The following COL6A3 variants were observed in gnomAD, a reference collection of about 807,000 sequenced individuals.
COL6A3 encodes the protein collagen type VI alpha 3 chain.
COL6A3 carries 137 observed loss-of-function variants against 274.1 expected under a neutral mutation model. The ratio of observed to expected loss-of-function variants is 0.50; its 90% CI spans 0.44 to 0.58. The LOEUF (loss-of-function observed/expected upper bound fraction) is 0.58. Among genes scored for constraint, COL6A3 ranks in the 20% least tolerant of loss-of-function variants. COL6A3 has a pLI of 0.00. For synonymous variants in COL6A3, 1,650 were observed against 1,650.6 expected, an observed-to-expected ratio of 1.00 and a Z score of 0.01; for missense variants, 3,950 against 4,124.9, an observed-to-expected ratio of 0.96 and a Z score of 1.16.
At chr2:237,356,310 C>G (rs144392941) in intron 23 of COL6A3, among the ~76,000 whole-genome samples, 1 of 151,922 alleles carries the variant, frequency 6.6e-6, no homozygotes, top group Non-Finnish European at 1.5e-5. Flanking sequence ...TAGCATTATT[C>G]AAAAATAATG....
chr2:237,394,880 C>A lies in COL6A3; in HGVS notation c.416G>T (p.Gly139Val), dbSNP rs780669785. 1.9e-6 allele frequency: 3 copies of A among 1,611,650 alleles called. No homozygotes were observed. The highest frequency in any genetic ancestry group is 2.5e-6 in the Non-Finnish European group (3 of 1,178,036). ...TACGATAACCTGAGGGACTCCGTCA[C>A]CGGCCCGGCTTCCAGCAGCCTTGGT... The part of the protein sequence containing the change: ...HLTKAAGSRA[G>V]DGVPQVIVVL... Residue 139 changes from glycine to valine, a missense_variant, in exon 3 of 44, where the codon GGT becomes GTT. By Grantham distance (109) the Gly-to-Val change is moderately radical. Transcript: ENST00000295550.
chr2:237,335,784 T>C (rs2106313687), intron 40 of COL6A3, among the ~76,000 whole-genome samples: 1 of 152,364 alleles, frequency 6.6e-6, no homozygotes, highest in Non-Finnish European at 1.5e-5. Flanking sequence ...AGCGTTTTTC[T>C]TTCTGTCTCT....
intron 4 of COL6A3, among the ~76,000 whole-genome samples, chr2:237,385,852 A>C (rs1481854654): frequency 2.0e-5 from 3 of 152,188 alleles, no homozygotes; most frequent in African/African-American, 7.2e-5. Flanking sequence ...TCAAAATTCT[A>C]GTCTCTCTAT....
intron 4 of COL6A3, among the ~76,000 whole-genome samples, chr2:237,382,007 G>A (rs556619936): frequency 8.5e-5 from 13 of 152,274 alleles, no homozygotes; most frequent in Admixed American, 3.3e-4. Context: ...TTTGACAGAC[G>A]AAAGAATTAC....
Position 237,334,718 on chromosome 2 carries a change from C to T in COL6A3, c.9137G>A (p.Gly3046Glu). The T allele has an allele frequency of 6.2e-7, 1 of 1,614,078 alleles. No homozygotes were observed. The highest frequency in any genetic ancestry group is 8.5e-7 in the Non-Finnish European group (1 of 1,180,038). Reference protein sequence around the residue: ...QNLTVTDRVIGGLLAGQTYHV... With the variant: ...QNLTVTDRVIEGLLAGQTYHV... ...GTATGTCTGCCCAGCGAGCAGGCCT[C>T]CAATGACGCGGTCCGTGACCGTGAG... The change falls in exon 41 of 44, where the codon GGA becomes GAA. Residue 3046 changes from glycine to glutamate, a missense_variant. Around this residue, in one of 5 missense-constraint regions of COL6A3, gnomAD observed 1,284 missense variants for 1,349.7 expected, o/e 0.95. Coordinates refer to ENST00000295550, the MANE Select transcript of COL6A3 (RefSeq NM_004369.4).
chr2:237,358,625 C>G, intron 20 of COL6A3, 42 bp from the exon 21 acceptor site: 1 of 1,494,498 alleles, frequency 6.7e-7, no homozygotes, highest in Non-Finnish European at 9.3e-7. Flanking sequence ...CTAGATGTTT[C>G]CATTTTTATC....
intron 5 of COL6A3, among the ~76,000 whole-genome samples, chr2:237,380,002 A>G (rs765309355): frequency 6.6e-6 from 1 of 152,258 alleles, no homozygotes; most frequent in Non-Finnish European, 1.5e-5. Context: ...ATGTGCCTTT[A>G]AAATTTTATT....
chr2:237,381,310 G>A lies in COL6A3; in HGVS notation c.1502C>T (p.Thr501Ile), dbSNP rs776324215. The A allele has an allele frequency of 8.1e-6, 13 of 1,614,188 alleles. No homozygotes were observed. Among genetic ancestry groups the A allele is most frequent in the Non-Finnish European group, 1.1e-5 (13 of 1,180,032 alleles). ...DTVRPEFYFN[T>I]HPTKREVITA... ...TATGACTTCCCTTTTTGTTGGATGG[G>A]TATTGAAATAAAATTCAGGCCTCAC... Residue 501 changes from threonine to isoleucine, a missense_variant, in exon 5 of 44, where the codon ACC becomes ATC. By Grantham distance (89) the Thr-to-Ile change is moderately conservative. This residue lies in a region of COL6A3 where 1,934 missense variants were observed against 1,984.3 expected (regional missense o/e 0.97). Coordinates refer to ENST00000295550, the MANE Select transcript of COL6A3 (RefSeq NM_004369.4).
At chr2:237,354,611 T>C (rs2077277153) in intron 24 of COL6A3, among the ~76,000 whole-genome samples, 1 of 152,156 alleles carries the variant, frequency 6.6e-6, no homozygotes, top group Admixed American at 6.6e-5. Context: ...TTGTCCCACC[T>C]TTCTGGACCG....
intron 42 of COL6A3, chr2:237,329,833 TCCCAA>T (rs953201748): frequency 5.9e-5 from 9 of 152,102 alleles, no homozygotes; most frequent in African/African-American, 2.2e-4. Flanking sequence ...TTCAGAAGTG[TCCCAA>T]TGAGAAGAAA....
intron 14 of COL6A3, among the ~76,000 whole-genome samples, chr2:237,362,592 C>A (rs1413365751): frequency 1.3e-5 from 2 of 152,192 alleles, no homozygotes; most frequent in Non-Finnish European, 2.9e-5. Flanking sequence ...TCTAACCCTG[C>A]AAAGAAGTAT....
chr2:237,372,094 C>T lies in COL6A3; in HGVS notation c.3923G>A (p.Arg1308Gln), dbSNP rs774461787. 5.0e-5 allele frequency: 80 copies of T among 1,613,926 alleles called. No homozygotes were observed. In the South Asian group the frequency reaches 5.2e-4, roughly 10 times the overall value. ...AVQRLRPKGG[R>Q]QINVGNALEY... ...CAGGGCATTGCCCACGTTGATCTGC[C>T]GCCCTCCCTTGGGCCTCAGCCGCTG... Residue 1308 changes from arginine to glutamine, a missense_variant, in exon 9 of 44, where the codon CGG (arginine) becomes CAG (glutamine). Around this residue, in one of 5 missense-constraint regions of COL6A3, gnomAD observed 1,934 missense variants for 1,984.3 expected, o/e 0.97. Coordinates refer to ENST00000295550, the MANE Select transcript of COL6A3 (RefSeq NM_004369.4).
rs115771129 is a variant in COL6A3, at chr2:237,349,623, G to A, written c.6879+524C>T. Among the ~76,000 whole-genome samples the A allele has an allele frequency of 4.2e-3, 637 of 152,252 alleles. 11 individuals are homozygous for A. Among genetic ancestry groups the A allele is most frequent in the African/African-American group, 0.014 (583 of 41,546 alleles). On this transcript the variant is annotated intron_variant, in intron 28 of 43. Transcript: ENST00000295550. ...GTAGATTTCTTTATTCTTTTGTAAC[G>A]TAGAAATGTACATCACAAAATTATT...
chr2:237,351,577 C>T (rs1205421113), intron 26 of COL6A3, among the ~76,000 whole-genome samples: 2 of 152,130 alleles, frequency 1.3e-5, no homozygotes, highest in African/African-American at 4.8e-5. Flanking sequence ...ATGTTAAAGC[C>T]TGTTAGGTGA....
At chr2:237,382,955 TTTTTG>T (rs968171157) in intron 4 of COL6A3, among the ~76,000 whole-genome samples, 1 of 151,984 alleles carries the variant, frequency 6.6e-6, no homozygotes, top group Non-Finnish European at 1.5e-5. Flanking sequence ...GCCCGGCTAA[TTTTTG>T]TTTTGTTTTG....
intron 30 of COL6A3, 91 bp from the exon 31 acceptor site, chr2:237,347,960 G>T: frequency 1.7e-6 from 2 of 1,211,440 alleles, no homozygotes; most frequent in South Asian, 1.3e-5. Flanking sequence ...GAGACGTGTG[G>T]GTCACACTTT....
At chr2:237,409,392 C>T (rs1298058932) in intron 1 of COL6A3, among the ~76,000 whole-genome samples, 1 of 151,962 alleles carries the variant, frequency 6.6e-6, no homozygotes, top group Non-Finnish European at 1.5e-5. Flanking sequence ...GTGTGCTGGA[C>T]CCATCAACTC....
chr2:237,364,162 AT>A lies in COL6A3; in HGVS notation c.5917+187del, dbSNP rs2077497315. ...GTAAAGCTGTCTAAGTACAGAAGGA[AT>A]TTTTGTTAGCTCCATCCCACAGCTC... On this transcript the variant is annotated intron_variant, in intron 13 of 43. Coordinates refer to ENST00000295550, the MANE Select transcript of COL6A3 (RefSeq NM_004369.4). This position sits in a 1 kb window ranked among gnomAD's most constrained non-coding sequence, Gnocchi z 4.6. Among the ~76,000 whole-genome samples, 1 of 152,192 alleles carries A rather than the reference AT, an allele frequency of 6.6e-6. No individual in the cohort carries two copies. Among genetic ancestry groups the A allele is most frequent in the African/African-American group, 2.4e-5 (1 of 41,460 alleles).
intron 1 of COL6A3, among the ~76,000 whole-genome samples, chr2:237,397,581 G>A (rs2078483580): frequency 6.6e-6 from 1 of 152,144 alleles, no homozygotes; most frequent in Non-Finnish European, 1.5e-5. Context: ...AGAGCTCTCT[G>A]TCTAAAGGGA....
Sources: gnomAD v4.1 joint callset for allele counts (sites outside exome capture counted in the v4.1 genomes callset) on GRCh38, gnomAD v4.1.1 for gene constraint, gnomAD v4.1.1 regional missense constraint, Gnocchi (gnomAD v3.1) non-coding constraint, MANE v1.5 for transcripts, NCBI Gene and HGNC (gene_info 2026-07-23, HGNC 2026-07-21) for gene names.